The following EIF3H variants were observed in gnomAD, a reference collection of about 807,000 sequenced individuals.
EIF3H encodes the protein eIF-3-gamma.
A neutral mutation model predicts 44.2 loss-of-function variants in EIF3H; 26 were observed. That is an observed-to-expected ratio of 0.59 (90% CI 0.43 to 0.82). EIF3H has a LOEUF of 0.82. EIF3H is among the 40% of genes least tolerant of loss of function. EIF3H has a pLI of 0.00. For missense variants in EIF3H, 359 were observed against 432.8 expected (o/e 0.83, Z 1.51); for synonymous variants, 166 against 151.9 (o/e 1.09, Z -0.68).
rs200317577 is a variant in EIF3H, at chr8:116,655,957, C to A, written c.606G>T (p.Pro202=). The change falls in exon 5 of 8, where the codon CCG becomes CCT. Residue 202 remains proline (P), a synonymous_variant. Transcript: ENST00000521861. The part of the protein sequence containing the change: ...ITFEYMFEEV[P]IVIKNSHLIN... ...TCAGATGTGAATTTTTAATTACAAT[C>A]GGCACTTCTTCAAACATGTACTCAA... The A allele has an allele frequency of 2.5e-6, 4 of 1,613,394 alleles. No homozygotes were observed. The highest frequency in any genetic ancestry group is 2.7e-5 in the African/African-American group (2 of 74,804).
chr8:116,677,002 T>C (rs1452378822), intron 2 of EIF3H, among the ~76,000 whole-genome samples: 1 of 152,006 alleles, frequency 6.6e-6, no homozygotes, highest in African/African-American at 2.4e-5. Flanking sequence ...TTATGGTATG[T>C]AAAAGAAATA....
chr8:116,699,736 T>A (rs369042490), intron 2 of EIF3H, among the ~76,000 whole-genome samples: 5 of 152,238 alleles, frequency 3.3e-5, no homozygotes, highest in Non-Finnish European at 7.3e-5. Flanking sequence ...AATGAATGCA[T>A]AGGCGCCCTA....
chr8:116,675,842 T>C (rs1260216936), intron 2 of EIF3H, among the ~76,000 whole-genome samples: 2 of 152,214 alleles, frequency 1.3e-5, no homozygotes, highest in African/African-American at 2.4e-5. Context: ...ATGGTACATA[T>C]ACAACCTTTA....
At chr8:116,706,826 T>A (rs1387195454) in intron 2 of EIF3H, among the ~76,000 whole-genome samples, 3 of 152,186 alleles carry the variant, frequency 2.0e-5, no homozygotes, top group African/African-American at 7.2e-5. Context: ...AATACAGGCA[T>A]GAGCCACAGC....
intron 2 of EIF3H, among the ~76,000 whole-genome samples, chr8:116,678,081 A>T (rs1586449243): frequency 6.7e-6 from 1 of 149,580 alleles, no homozygotes; most frequent in Non-Finnish European, 1.5e-5. Context: ...GCTCACTGCA[A>T]CCTCCCTGCC....
At chr8:116,746,326 A>G (rs922222029) in intron 1 of EIF3H, among the ~76,000 whole-genome samples, 1 of 152,224 alleles carries the variant, frequency 6.6e-6, no homozygotes, top group Non-Finnish European at 1.5e-5. Flanking sequence ...CTCCATCTGT[A>G]CATTAATCAA....
intron 2 of EIF3H, among the ~76,000 whole-genome samples, 181 bp downstream of exon 2, chr8:116,725,835 G>A (rs1176296048): frequency 6.6e-6 from 1 of 152,160 alleles, no homozygotes; most frequent in Non-Finnish European, 1.5e-5. Context: ...AACTAATGAT[G>A]TCTATAGTAT....
At chr8:116,647,336 G>C (rs970052621) in intron 6 of EIF3H, among the ~76,000 whole-genome samples, 4 of 152,110 alleles carry the variant, frequency 2.6e-5, no homozygotes, top group African/African-American at 9.7e-5. Flanking sequence ...CCCTGACCTC[G>C]TGATCCACCC....
Position 116,655,919 on chromosome 8 carries a change from A to G in EIF3H, c.644T>C (p.Met215Thr). 12 of 1,613,786 alleles carry G rather than the reference A, an allele frequency of 7.4e-6. No homozygotes were observed. Among genetic ancestry groups the G allele is most frequent in the Non-Finnish European group, 1.0e-5 (12 of 1,179,750 alleles). The change falls in exon 5 of 8, where the codon ATG becomes ACG. Residue 215 changes from methionine (M) to threonine (T), a missense_variant. Physicochemically the swap from Met to Thr is moderately conservative, Grantham distance 81. Coordinates refer to ENST00000521861, the MANE Select transcript of EIF3H (RefSeq NM_003756.3). ...AGCTGACTTCTTTTCAAGTTCCCAC[A>G]TTAGGACATTGATCAGATGTGAATT... is the stretch of plus-strand genomic sequence containing the variant. ...IKNSHLINVLMWELEKKSAVA... is the reference protein window; with the variant it reads ...IKNSHLINVLTWELEKKSAVA...
At chr8:116,741,311 G>A (rs903604512) in intron 1 of EIF3H, among the ~76,000 whole-genome samples, 6 of 151,904 alleles carry the variant, frequency 3.9e-5, no homozygotes, top group Non-Finnish European at 7.4e-5. Context: ...CCCAACTGAT[G>A]CCAAACTTCC....
At chr8:116,684,526 C>G (rs1814042788) in intron 2 of EIF3H, among the ~76,000 whole-genome samples, 1 of 152,042 alleles carries the variant, frequency 6.6e-6, no homozygotes, top group Admixed American at 6.6e-5. Flanking sequence ...CAAGATGATG[C>G]ATTTCTCCTT....
At position 116,691,360 on chromosome 8, in the gene EIF3H, G is replaced by T. The variant is rs201944229; in HGVS notation, c.290-32380C>A. On this transcript the variant is annotated intron_variant, in intron 2 of 7. Coordinates refer to ENST00000521861, the MANE Select transcript of EIF3H (RefSeq NM_003756.3). The stretch of plus-strand genomic sequence containing the variant: ...CCTACAAACCTGGGGGAAGAGGAGT[G>T]GGGGGAGGTGCTGGGTATTACTCTG... Among the ~76,000 whole-genome samples the T allele has an allele frequency of 1.4e-3, 213 of 152,176 alleles. 1 individual carries two copies. Among genetic ancestry groups the T allele is most frequent in the African/African-American group, 4.7e-3 (195 of 41,534 alleles).
At chr8:116,755,836 C>T (rs1163563665), upstream of EIF3H, 2 of 1,607,432 alleles carry the variant, frequency 1.2e-6, no homozygotes, top group Non-Finnish European at 1.7e-6. Flanking sequence ...ACGTGAGTTA[C>T]CGGAAGCGGA....
At chr8:116,720,106 T>A (rs1475051744) in intron 2 of EIF3H, among the ~76,000 whole-genome samples, 2 of 152,206 alleles carry the variant, frequency 1.3e-5, no homozygotes, top group Non-Finnish European at 2.9e-5. Flanking sequence ...CTGTGCAGAT[T>A]AACAACTAAT....
intron 2 of EIF3H, among the ~76,000 whole-genome samples, chr8:116,691,595 C>A (rs1377320065): frequency 1.3e-5 from 2 of 151,524 alleles, no homozygotes; most frequent in Non-Finnish European, 2.9e-5. Context: ...CCCTTTTAGG[C>A]CAGGCACAAT....
At chr8:116,752,812 G>A (rs1363047191) in intron 1 of EIF3H, among the ~76,000 whole-genome samples, 1 of 141,088 alleles carries the variant, frequency 7.1e-6, no homozygotes, top group African/African-American at 2.7e-5. Context: ...AAGGAAGGAA[G>A]GAAGGAAGGA....
intron 2 of EIF3H, among the ~76,000 whole-genome samples, chr8:116,692,083 A>C (rs1212769503): frequency 6.6e-6 from 1 of 152,170 alleles, no homozygotes; most frequent in Admixed American, 6.5e-5. Context: ...CTAGATTACC[A>C]ATCTCCCAAG....
upstream of EIF3H, among the ~76,000 whole-genome samples, chr8:116,757,570 CAAAAT>C (rs1438644261): frequency 6.6e-6 from 1 of 151,328 alleles, no homozygotes; most frequent in Non-Finnish European, 1.5e-5. Flanking sequence ...GAGATACACT[CAAAAT>C]AATGTAAATA....
At chr8:116,699,808 T>TTTTG (rs1554600388) in intron 2 of EIF3H, among the ~76,000 whole-genome samples, 2,153 of 152,142 alleles carry the variant, frequency 0.014, 53 homozygotes, top group African/African-American at 0.048. Context: ...TTTTGGTTTT[T>TTTTG]TTTGTTTGTT....
Sources: gnomAD v4.1 joint callset for allele counts (sites outside exome capture counted in the v4.1 genomes callset) on GRCh38, gnomAD v4.1.1 for gene constraint, MANE v1.5 for transcripts, NCBI Gene and HGNC (gene_info 2026-07-23, HGNC 2026-07-21) for gene names.